The following ANK2 variants were observed in gnomAD, a reference collection of about 807,000 sequenced individuals.
ANK2 encodes ankyrin-2.
ANK2 carries 83 observed loss-of-function variants against 360.5 expected under a neutral mutation model. The ratio of observed to expected loss-of-function variants is 0.23; its 90% confidence interval spans 0.19 to 0.28. ANK2 has a LOEUF of 0.28. Ranked by LOEUF, ANK2 falls within the 10% of genes least tolerant of loss-of-function variation. ANK2 has a pLI of 1.00. For missense variants in ANK2, 4,201 were observed against 4,795.7 expected, an observed-to-expected ratio of 0.88 and a Z score of 3.66; for synonymous variants, 1,740 against 1,759.5, an observed-to-expected ratio of 0.99 and a Z score of 0.28.
intron 2 of ANK2, among the ~76,000 whole-genome samples, chr4:113,044,234 A>G (rs2063699142): frequency 1.3e-5 from 2 of 152,166 alleles, no homozygotes; most frequent in Non-Finnish European, 2.9e-5. Context: ...GAGGTTTAAT[A>G]AAAAAGGGAA....
At chr4:112,828,031 G>A (rs1240392291) in intron 1 of ANK2, among the ~76,000 whole-genome samples, 1 of 152,048 alleles carries the variant, frequency 6.6e-6, no homozygotes, top group Non-Finnish European at 1.5e-5. Flanking sequence ...GAGACGAATA[G>A]AACAGGTTAG....
Position 113,021,529 on chromosome 4 carries a change from C to CA in ANK2, c.21+117015_21+117016insA, listed in dbSNP as rs1491294086. On this transcript the variant is annotated intron_variant, in intron 2 of 30. Transcript: ENST00000503271. ...TTATGTGTATATATACACACACACACCCACACACAAACATATATATATATA... is the reference window on the plus strand; with the variant it reads ...TTATGTGTATATATACACACACACACACCACACACAAACATATATATATATA... Among the ~76,000 whole-genome samples, 232 of 58,720 alleles carry CA rather than the reference C, an allele frequency of 4.0e-3. 3 individuals carry two copies. The highest frequency in any genetic ancestry group is 0.014 in the African/African-American group (202 of 14,242). 38.5% of individuals were successfully genotyped at this position (58,720 alleles called of 152,430 possible).
intron 2 of ANK2, among the ~76,000 whole-genome samples, chr4:112,912,870 A>T (rs980653852): frequency 2.6e-5 from 4 of 152,072 alleles, no homozygotes; most frequent in African/African-American, 9.7e-5. Flanking sequence ...ATAAATAAAT[A>T]TTAAAAAATA....
intron 1 of ANK2, among the ~76,000 whole-genome samples, chr4:113,088,942 A>C (rs1262032706): frequency 6.6e-6 from 1 of 152,220 alleles, no homozygotes; most frequent in Non-Finnish European, 1.5e-5. Flanking sequence ...GTTCTGCTCT[A>C]GTTAATTATC....
intron 2 of ANK2, among the ~76,000 whole-genome samples, chr4:112,989,386 C>T (rs1384973308): frequency 1.3e-5 from 2 of 152,144 alleles, no homozygotes; most frequent in African/African-American, 2.4e-5. Context: ...AACATGTGCT[C>T]TTACTGATTC....
chr4:113,192,351 A>G (rs1397572149), intron 2 of ANK2, among the ~76,000 whole-genome samples: 1 of 144,980 alleles, frequency 6.9e-6, no homozygotes, highest in African/African-American at 2.6e-5. Flanking sequence ...CTGCATGTGC[A>G]CACACACACA....
chr4:113,064,830 C>T (rs1376867926), intron 1 of ANK2, among the ~76,000 whole-genome samples: 34 of 3,890 alleles, frequency 8.7e-3, no homozygotes, highest in African/African-American at 0.017. Context: ...TTAGAAAGTT[C>T]TGTAGAACTT....
At chr4:113,146,034 G>A in intron 1 of ANK2, 1 of 1,288,950 alleles carries the variant, frequency 7.8e-7, no homozygotes, top group Middle Eastern at 2.1e-4. Context: ...GAGGAGGAAG[G>A]GAGGATGGTG....
chr4:113,077,609 G>A (rs895894029), intron 1 of ANK2, among the ~76,000 whole-genome samples: 7 of 152,202 alleles, frequency 4.6e-5, no homozygotes, highest in Non-Finnish European at 1.5e-5. Flanking sequence ...GATCCAATTA[G>A]TAAAGGCAGA....
the ANK2 span, among the ~76,000 whole-genome samples, chr4:112,756,333 G>T: frequency 6.7e-6 from 1 of 149,424 alleles, no homozygotes; most frequent in Non-Finnish European, 1.5e-5. Flanking sequence ...TGGGGTTTAT[G>T]ATTTCACCAG....
the ANK2 span, among the ~76,000 whole-genome samples, chr4:112,724,157 C>T: frequency 8.6e-5 from 13 of 151,690 alleles, no homozygotes; most frequent in African/African-American, 2.4e-5. Flanking sequence ...CTCTGCCTCC[C>T]GGGTTCAAGT....
the ANK2 span, among the ~76,000 whole-genome samples, chr4:112,804,876 T>G: frequency 6.6e-6 from 1 of 151,400 alleles, no homozygotes; most frequent in Non-Finnish European, 1.5e-5. Context: ...GCGGGAGGAT[T>G]GCTTGAGCCC....
At chr4:113,012,694 A>T (rs955060471) in intron 2 of ANK2, among the ~76,000 whole-genome samples, 1 of 152,200 alleles carries the variant, frequency 6.6e-6, no homozygotes, top group Non-Finnish European at 1.5e-5. Flanking sequence ...AACTTTAGCT[A>T]TAACAATATA....
intron 2 of ANK2, among the ~76,000 whole-genome samples, chr4:112,957,007 G>GTTTTTTTTT (rs56066718): frequency 1.4e-4 from 9 of 66,476 alleles, no homozygotes; most frequent in South Asian, 5.8e-4. Context: ...TATTGCTCTT[G>GTTTTTTTTT]TTTTTTTTTT....
chr4:113,352,723 T>G (rs2154014045), intron 37 of ANK2, among the ~76,000 whole-genome samples: 1 of 152,292 alleles, frequency 6.6e-6, no homozygotes, highest in East Asian at 1.9e-4. Context: ...CTGCGTTCTT[T>G]GTTTTGATAT....
the ANK2 span, among the ~76,000 whole-genome samples, chr4:112,779,318 A>G: frequency 2.6e-5 from 4 of 152,210 alleles, no homozygotes; most frequent in African/African-American, 9.7e-5. Flanking sequence ...GGAGATCGAG[A>G]CCATCGTGGC....
chr4:113,185,714 T>C (rs975804115), intron 2 of ANK2, among the ~76,000 whole-genome samples: 2 of 152,228 alleles, frequency 1.3e-5, no homozygotes, highest in Admixed American at 6.5e-5. Context: ...TTTAGTTTAA[T>C]TAGATCCCAT....
intron 2 of ANK2, among the ~76,000 whole-genome samples, chr4:112,982,179 G>GA (rs534673623): frequency 0.017 from 2,606 of 150,660 alleles, 71 homozygotes; most frequent in African/African-American, 0.059. Context: ...GTTAAAAGAA[G>GA]AAAAATTTTT....
chr4:112,781,827 A>ATTTTTTT, the ANK2 span, among the ~76,000 whole-genome samples: 9 of 124,758 alleles, frequency 7.2e-5, no homozygotes, highest in African/African-American at 2.4e-4. Flanking sequence ...TGATAACAGT[A>ATTTTTTT]TTTTTTTTTT....
Sources: gnomAD v4.1 joint callset for allele counts (sites outside exome capture counted in the v4.1 genomes callset) on GRCh38, gnomAD v4.1.1 for gene constraint, MANE v1.5 for transcripts, NCBI Gene and HGNC (gene_info 2026-07-23, HGNC 2026-07-21) for gene names.